Variants in HOXC5 observed in about 807,000 individuals in gnomAD.
HOXC5 encodes the protein homeobox C5, also known as homeobox protein Hox-C5.
Under a neutral mutation model 20.1 loss-of-function variants are expected in HOXC5, and 19 were observed. The observed-to-expected ratio is 0.94, with a 90% CI of 0.66 to 1.38. HOXC5 has a LOEUF of 1.38. HOXC5 is among the 40% of genes most tolerant of loss of function. The pLI is 0.00. For missense variants in HOXC5, 330 were observed against 300.1 expected, an observed-to-expected ratio of 1.10 and a Z score of -0.74; for synonymous variants, 124 against 117.0, an observed-to-expected ratio of 1.06 and a Z score of -0.39.
the HOXC5 span, among the ~76,000 whole-genome samples, chr12:54,018,026 C>T: frequency 6.6e-6 from 1 of 152,138 alleles, no homozygotes; most frequent in African/African-American, 2.4e-5. Flanking sequence ...TGTTAATTGG[C>T]AATTAGGGGG....
intron 1 of HOXC5, chr12:54,034,031 T>C (rs1461985125): frequency 2.9e-6 from 2 of 688,270 alleles, no homozygotes. Flanking sequence ...GTCTCCCTCT[T>C]CCCCCCAACC....
At chr12:54,032,329 C>T (rs933199028), upstream of HOXC5, among the ~76,000 whole-genome samples, 5 of 152,352 alleles carry the variant, frequency 3.3e-5, no homozygotes, top group South Asian at 2.1e-4. Context: ...TCCTCCTGGG[C>T]GTCCTGTCTA....
the HOXC5 span, among the ~76,000 whole-genome samples, chr12:54,024,683 T>C: frequency 6.7e-6 from 1 of 149,904 alleles, no homozygotes; most frequent in African/African-American, 2.4e-5. Context: ...CTTTCCCCAG[T>C]TCAGAGCTCA....
At chr12:54,029,037 C>G (rs1008115998), upstream of HOXC5, 1 of 1,000,034 alleles carries the variant, frequency 1.0e-6, no homozygotes, top group Non-Finnish European at 1.4e-6. Flanking sequence ...CAATCACGCT[C>G]GTCTCCTCAC....
At chr12:54,018,715 A>C in the HOXC5 span, among the ~76,000 whole-genome samples, 1 of 151,782 alleles carries the variant, frequency 6.6e-6, no homozygotes, top group Non-Finnish European at 1.5e-5. Flanking sequence ...ATAAACGGCG[A>C]CGCACACGCA....
chr12:54,029,967 G>T, upstream of HOXC5: 3 of 1,538,792 alleles, frequency 1.9e-6, no homozygotes, highest in South Asian at 3.7e-5. Context: ...GAGTGACCAG[G>T]ACTGTCCCTG....
upstream of HOXC5, among the ~76,000 whole-genome samples, chr12:54,029,158 C>T (rs1006428728): frequency 6.6e-6 from 1 of 151,662 alleles, no homozygotes; most frequent in Non-Finnish European, 1.5e-5. Context: ...GCTGAGGGGG[C>T]AGGAACAGGG....
At chr12:54,032,977 T>C, upstream of HOXC5, 1 of 676,432 alleles carries the variant, frequency 1.5e-6, no homozygotes, top group Admixed American at 3.0e-5. Context: ...GGCTCCCTTA[T>C]TTGGGAAGAG....
upstream of HOXC5, chr12:54,028,774 T>C (rs1940848731): frequency 1.9e-6 from 3 of 1,614,166 alleles, no homozygotes. Flanking sequence ...AGACATGCTC[T>C]CAAACTGCAG....
chr12:54,031,559 C>T (rs1200663512), upstream of HOXC5, among the ~76,000 whole-genome samples: 1 of 152,212 alleles, frequency 6.6e-6, no homozygotes, highest in Non-Finnish European at 1.5e-5. Flanking sequence ...CATTTATCAA[C>T]CCTGGCCTTC....
In HOXC5 at chr12:54,033,566, C is replaced by T; in HGVS notation, c.444C>T (p.His148=). 1 of 1,585,162 alleles carries T rather than the reference C, an allele frequency of 6.3e-7. No homozygotes were observed. Among genetic ancestry groups the T allele is most frequent in the Non-Finnish European group, 8.5e-7 (1 of 1,170,006 alleles). ...TTTACCCGTGGATGACCAAACTGCA[C>T]ATGAGCCACGGTAAACTTTAGGACT... ...PQIYPWMTKL[H]MSHETDGKRS... The change falls in exon 1 of 2, where the codon CAC becomes CAT. Residue 148 remains histidine, a synonymous_variant. Transcript: ENST00000312492.
chr12:54,033,049 C>A (rs1297345834), upstream of HOXC5: 11 of 1,252,380 alleles, frequency 8.8e-6, no homozygotes, highest in Middle Eastern at 2.0e-4. Context: ...GAACAAAAAA[C>A]CCCTCAACTT....
At position 54,033,064 on chromosome 12, in the gene HOXC5, G is replaced by A. The variant is rs2136446210; in HGVS notation, c.-59G>A. 3 of 1,406,254 alleles carry A rather than the reference G, an allele frequency of 2.1e-6. No individual in the cohort carries two copies. Among genetic ancestry groups the A allele is most frequent in the Non-Finnish European group, 2.0e-6 (2 of 1,016,906 alleles). The allele number at this position is 1,406,254 out of a possible 1,614,324, so 87.1% of individuals were successfully genotyped here. ...GAACAAAAAACCCCTCAACTTCAAA[G>A]AGTCACAAATCACCCTTAATCAAAA... is the stretch of plus-strand genomic sequence containing the variant. On this transcript the variant is annotated 5_prime_UTR_variant, in exon 1 of 2. Transcript: ENST00000312492.
At chr12:54,026,484 A>T in the HOXC5 span, among the ~76,000 whole-genome samples, 2 of 152,202 alleles carry the variant, frequency 1.3e-5, no homozygotes, top group Non-Finnish European at 2.9e-5. Context: ...TAATTTAAAA[A>T]TCCTCCTCTA....
At chr12:54,031,671 C>T (rs184236165), upstream of HOXC5, among the ~76,000 whole-genome samples, 2 of 152,168 alleles carry the variant, frequency 1.3e-5, no homozygotes, top group Admixed American at 1.3e-4. Flanking sequence ...CCGGGCCCTT[C>T]AGATTCCCTC....
the HOXC5 span, among the ~76,000 whole-genome samples, chr12:54,023,741 G>A: frequency 0.29 from 44,643 of 152,052 alleles, 7,381 homozygotes; most frequent in East Asian, 0.44. Context: ...TTCTCTCCAT[G>A]CCTAAACTTT....
At chr12:54,031,524 G>C (rs892420356), upstream of HOXC5, among the ~76,000 whole-genome samples, 7 of 152,214 alleles carry the variant, frequency 4.6e-5, no homozygotes, top group African/African-American at 1.7e-4. Context: ...GAAGAGGCGG[G>C]TGAGGAGCGC....
upstream of HOXC5, chr12:54,029,810 A>G: frequency 6.2e-7 from 1 of 1,614,084 alleles, no homozygotes; most frequent in Non-Finnish European, 8.5e-7. Context: ...GCGACAGATC[A>G]AAATCTGGTT....
chr12:54,026,234 T>C, the HOXC5 span, among the ~76,000 whole-genome samples: 20 of 152,144 alleles, frequency 1.3e-4, no homozygotes, highest in East Asian at 3.7e-3. Context: ...TGTCCAGGGG[T>C]GCACTGACTT....
Sources: gnomAD v4.1 joint callset for allele counts (sites outside exome capture counted in the v4.1 genomes callset) on GRCh38, gnomAD v4.1.1 for gene constraint, MANE v1.5 for transcripts, NCBI Gene and HGNC (gene_info 2026-07-23, HGNC 2026-07-21) for gene names.